Variants in SETBP1 observed in about 807,000 individuals in gnomAD.
SETBP1 encodes SET-binding protein.
SETBP1 carries 9 observed loss-of-function variants against 101.0 expected under a neutral mutation model. The observed-to-expected ratio is 0.09, with a 90% CI of 0.05 to 0.16. The LOEUF is 0.16. Among genes scored for constraint, SETBP1 ranks in the 10% least tolerant of loss-of-function variants. SETBP1 has a pLI of 1.00. For missense variants in SETBP1, 1,858 were observed against 2,033.8 expected, an observed-to-expected ratio of 0.91 and a Z score of 1.66; for synonymous variants, 818 against 788.5, an observed-to-expected ratio of 1.04 and a Z score of -0.63.
At chr18:45,036,332 CA>C (rs370732298) in intron 4 of SETBP1, among the ~76,000 whole-genome samples, 24,012 of 97,118 alleles carry the variant, frequency 0.25, 2,357 homozygotes, top group African/African-American at 0.42. Flanking sequence ...GACTCTGTCT[CA>C]AAAAAAAAAA....
At chr18:44,844,941 T>A (rs1240922349) in intron 2 of SETBP1, among the ~76,000 whole-genome samples, 1 of 152,190 alleles carries the variant, frequency 6.6e-6, no homozygotes, top group Non-Finnish European at 1.5e-5. Flanking sequence ...TTCACATTCA[T>A]GCTTGGGGCC....
chr18:44,981,858 G>A (rs377150196), intron 4 of SETBP1, among the ~76,000 whole-genome samples: 4 of 152,084 alleles, frequency 2.6e-5, no homozygotes, highest in Non-Finnish European at 5.9e-5. Flanking sequence ...CAATAAGGTC[G>A]AACTTGTGTT....
At chr18:44,839,306 TA>T (rs888854282) in intron 2 of SETBP1, among the ~76,000 whole-genome samples, 1 of 152,176 alleles carries the variant, frequency 6.6e-6, no homozygotes, top group African/African-American at 2.4e-5. Flanking sequence ...ATAGAAAGTC[TA>T]ATCTGTTTCT....
At position 44,869,143 on chromosome 18, in the gene SETBP1, G is replaced by A. The variant is rs191854217; in HGVS notation, c.487-87G>A. On this transcript the variant is annotated intron_variant, in intron 2 of 5. Coordinates refer to ENST00000649279, the MANE Select transcript of SETBP1 (RefSeq NM_015559.3). ...CTTCTGTAGCTCTCATCCAGGCTAT[G>A]GTAAGTCCATTGCTGGTCAGTTGTC... 50 of 1,169,142 alleles carry A rather than the reference G, an allele frequency of 4.3e-5. No homozygotes were observed. In the African/African-American group the frequency reaches 6.0e-4, roughly 14 times the overall value. The allele number at this position is 1,169,142 out of a possible 1,614,324, so 72.4% of individuals were successfully genotyped here.
At chr18:44,820,463 T>A (rs1352872835) in intron 2 of SETBP1, among the ~76,000 whole-genome samples, 2 of 152,140 alleles carry the variant, frequency 1.3e-5, no homozygotes, top group East Asian at 3.9e-4. Flanking sequence ...GCCTGGTGTA[T>A]GTCTCTGTCC....
At chr18:44,860,183 A>C (rs2068971709) in intron 2 of SETBP1, among the ~76,000 whole-genome samples, 1 of 152,212 alleles carries the variant, frequency 6.6e-6, no homozygotes, top group African/African-American at 2.4e-5. Context: ...AAGAAGAGGA[A>C]AGCGAGGGTG....
chr18:44,738,403 C>T (rs543901352), intron 2 of SETBP1, among the ~76,000 whole-genome samples: 9 of 152,304 alleles, frequency 5.9e-5, no homozygotes, highest in African/African-American at 2.2e-4. Context: ...GCCATCACTT[C>T]CATTTTACTC....
chr18:45,032,360 A>T (rs1305785827), intron 4 of SETBP1, among the ~76,000 whole-genome samples: 1 of 152,152 alleles, frequency 6.6e-6, no homozygotes, highest in Admixed American at 6.6e-5. Context: ...GAAGACAGAG[A>T]TCACAACTTC....
rs75855502 is a variant in SETBP1 at position 45,034,545 on chromosome 18, A to T, written c.4001-3940A>T. Among the ~76,000 whole-genome samples the T allele has an allele frequency of 8.9e-3, 1,360 of 152,324 alleles. 14 individuals carry two copies. Among genetic ancestry groups the T allele is most frequent in the African/African-American group, 0.032 (1,315 of 41,576 alleles). ...TTCAGAGACTTTTTTAAAAAAAAAAAATTATCAATAGAGGTCAATAGGTTA... is the reference window on the plus strand; with the variant it reads ...TTCAGAGACTTTTTTAAAAAAAAAATATTATCAATAGAGGTCAATAGGTTA... On this transcript the variant is annotated intron_variant, in intron 4 of 5. Transcript: ENST00000649279.
intron 2 of SETBP1, among the ~76,000 whole-genome samples, chr18:44,832,431 G>C (rs1334435089): frequency 2.6e-5 from 4 of 152,212 alleles, no homozygotes; most frequent in Middle Eastern, 3.2e-3. Context: ...CTGGCTCTCT[G>C]ACCACTGTCT....
chr18:44,978,999 C>T (rs891400485), intron 4 of SETBP1, among the ~76,000 whole-genome samples: 3 of 152,224 alleles, frequency 2.0e-5, no homozygotes, highest in Non-Finnish European at 4.4e-5. Context: ...AGAATTCGAA[C>T]TCAAATCTGG....
In SETBP1 at chr18:44,766,137, T is replaced by G. The variant is rs149744858; in HGVS notation, c.486+64305T>G. On this transcript the variant is annotated intron_variant, in intron 2 of 5. Transcript: ENST00000649279. ...AATTGCTTCCAAGAACAAGATAAGC[T>G]CTTTGCCTAGGGAAAGTTGGTAAAG... Among the ~76,000 whole-genome samples the G allele has an allele frequency of 6.2e-4, 95 of 152,334 alleles. 1 individual carries two copies. Among genetic ancestry groups the G allele is most frequent in the African/African-American group, 2.2e-3 (91 of 41,564 alleles).
intron 2 of SETBP1, among the ~76,000 whole-genome samples, chr18:44,721,884 A>G (rs962886362): frequency 2.0e-5 from 3 of 152,190 alleles, no homozygotes; most frequent in Non-Finnish European, 4.4e-5. Flanking sequence ...GAAGCTACCT[A>G]AGCCATCTGT....
chr18:44,774,664 T>G (rs1355664547), intron 2 of SETBP1, among the ~76,000 whole-genome samples: 3 of 152,176 alleles, frequency 2.0e-5, no homozygotes, highest in Non-Finnish European at 4.4e-5. Flanking sequence ...AGGTCACTTG[T>G]GAGTAATCTA....
intron 4 of SETBP1, among the ~76,000 whole-genome samples, chr18:45,019,495 G>T (rs967770425): frequency 1.4e-4 from 21 of 152,162 alleles, no homozygotes; most frequent in Non-Finnish European, 2.5e-4. Context: ...TAAAAGTCTG[G>T]CATTTGCCTC....
intron 3 of SETBP1, among the ~76,000 whole-genome samples, chr18:44,896,416 A>G (rs1568205768): frequency 6.6e-6 from 1 of 152,208 alleles, no homozygotes; most frequent in Admixed American, 6.5e-5. Context: ...TGCATATTGT[A>G]CAAGTCTAAT....
intron 2 of SETBP1, among the ~76,000 whole-genome samples, chr18:44,804,789 G>A (rs2071692933): frequency 6.6e-6 from 1 of 152,096 alleles, no homozygotes; most frequent in Non-Finnish European, 1.5e-5. Flanking sequence ...AAAAGAATGA[G>A]CTCAACGTGG....
At chr18:45,057,152 CAG>C (rs2073822787) in intron 5 of SETBP1, among the ~76,000 whole-genome samples, 3 of 152,106 alleles carry the variant, frequency 2.0e-5, no homozygotes, top group Admixed American at 6.6e-5. Flanking sequence ...AGCAGCAACT[CAG>C]ATGCCCCCTA....
At chr18:45,020,779 T>C (rs1969113429) in intron 4 of SETBP1, among the ~76,000 whole-genome samples, 1 of 152,206 alleles carries the variant, frequency 6.6e-6, no homozygotes, top group Non-Finnish European at 1.5e-5. Flanking sequence ...GTCACCTCTG[T>C]ATGGAGATGC....
Sources: gnomAD v4.1 joint callset for allele counts (sites outside exome capture counted in the v4.1 genomes callset) on GRCh38, gnomAD v4.1.1 for gene constraint, MANE v1.5 for transcripts, NCBI Gene and HGNC (gene_info 2026-07-23, HGNC 2026-07-21) for gene names.